The following TENM4 variants were observed in gnomAD, a reference collection of about 807,000 sequenced individuals.
TENM4 encodes teneurin transmembrane protein 4.
A neutral mutation model predicts 243.3 loss-of-function variants in TENM4; 82 were observed. The observed-to-expected ratio is 0.34, with a 90% CI of 0.28 to 0.40. TENM4 has a LOEUF of 0.40. Among genes scored for constraint, TENM4 ranks in the 10% least tolerant of loss-of-function variants. The pLI, the probability that TENM4 is intolerant of heterozygous loss-of-function variation, is 1.00. For missense variants in TENM4, 3,138 were observed against 3,673.3 expected (o/e 0.85, Z 3.77); for synonymous variants, 1,412 against 1,456.3 (o/e 0.97, Z 0.69).
chr11:79,248,881 T>G (rs1855564257), intron 2 of TENM4, among the ~76,000 whole-genome samples: 1 of 152,072 alleles, frequency 6.6e-6, no homozygotes, highest in East Asian at 1.9e-4. Context: ...TGTTACTTCC[T>G]CTGGCCACAT....
At chr11:78,723,064 C>T (rs1291871379) in intron 23 of TENM4, 147 bp from the exon 24 acceptor site, 1 of 1,105,962 alleles carries the variant, frequency 9.0e-7, no homozygotes, top group East Asian at 2.6e-5. Flanking sequence ...TTGCCTCACC[C>T]CCCCAATGGA....
intron 4 of TENM4, among the ~76,000 whole-genome samples, chr11:79,146,695 T>A (rs1862401124): frequency 6.6e-6 from 1 of 152,028 alleles, no homozygotes; most frequent in Non-Finnish European, 1.5e-5. Context: ...CTCTCCCATA[T>A]CCTAAGCACT....
intron 1 of TENM4, among the ~76,000 whole-genome samples, chr11:79,400,395 G>A (rs775414379): frequency 3.3e-5 from 5 of 151,964 alleles, no homozygotes; most frequent in Non-Finnish European, 5.9e-5. Context: ...TACAACTTCA[G>A]GAGTGTCACA....
chr11:79,200,058 T>C (rs971198847), intron 3 of TENM4, among the ~76,000 whole-genome samples: 1 of 152,226 alleles, frequency 6.6e-6, no homozygotes, highest in South Asian at 2.1e-4. Flanking sequence ...GCTCAGGACC[T>C]GCAGCATCTC....
chr11:79,338,886 G>A (rs1442983843), intron 1 of TENM4, among the ~76,000 whole-genome samples: 1 of 152,202 alleles, frequency 6.6e-6, no homozygotes, highest in Non-Finnish European at 1.5e-5. Flanking sequence ...TCTGCTCAGG[G>A]CATCCAAATG....
chr11:79,243,532 C>T (rs547906109), intron 2 of TENM4, among the ~76,000 whole-genome samples: 14 of 152,228 alleles, frequency 9.2e-5, no homozygotes, highest in East Asian at 3.9e-4. Flanking sequence ...GACAACAAAA[C>T]GCTGCAGGGG....
intron 16 of TENM4, among the ~76,000 whole-genome samples, chr11:78,784,450 C>T (rs772747172): frequency 5.9e-5 from 9 of 152,070 alleles, no homozygotes; most frequent in East Asian, 3.9e-4. Flanking sequence ...CAGCTGGCCA[C>T]GGGCAGAGAC....
chr11:78,705,699 A>G (rs959481673), intron 27 of TENM4, among the ~76,000 whole-genome samples: 1 of 152,222 alleles, frequency 6.6e-6, no homozygotes. Flanking sequence ...GGATTGTCAA[A>G]TGAATGAACG....
chr11:78,688,801 A>T (rs1431586379), intron 28 of TENM4, among the ~76,000 whole-genome samples: 1 of 152,078 alleles, frequency 6.6e-6, no homozygotes, highest in African/African-American at 2.4e-5. Flanking sequence ...GCCTCTTGCA[A>T]CCCCTTCCAT....
At chr11:78,714,442 T>A (rs1193779988) in intron 25 of TENM4, among the ~76,000 whole-genome samples, 1 of 152,166 alleles carries the variant, frequency 6.6e-6, no homozygotes, top group Non-Finnish European at 1.5e-5. Context: ...CTCCCTGAAT[T>A]CAACTAACCT....
chr11:78,746,478 G>C (rs933318299), intron 19 of TENM4, among the ~76,000 whole-genome samples: 2 of 152,258 alleles, frequency 1.3e-5, no homozygotes, highest in African/African-American at 4.8e-5. Context: ...TGGGCAGCCT[G>C]GCTGCTCAAT....
At chr11:79,314,138 G>C (rs547133089) in intron 1 of TENM4, among the ~76,000 whole-genome samples, 1 of 152,262 alleles carries the variant, frequency 6.6e-6, no homozygotes, top group South Asian at 2.1e-4. Flanking sequence ...TTCAGAATGT[G>C]TGGCCTTGCA....
At chr11:78,817,460 G>T (rs1857632015) in intron 12 of TENM4, among the ~76,000 whole-genome samples, 1 of 152,118 alleles carries the variant, frequency 6.6e-6, no homozygotes, top group South Asian at 2.1e-4. Context: ...GGGCAAAATG[G>T]TCTGGGTCCC....
chr11:78,812,913 C>G (rs956359657), intron 13 of TENM4, among the ~76,000 whole-genome samples: 1 of 152,166 alleles, frequency 6.6e-6, no homozygotes, highest in African/African-American at 2.4e-5. Context: ...GTGATCTTCT[C>G]TATGAAGGAT....
chr11:78,994,118 C>G (rs552748778), intron 6 of TENM4, among the ~76,000 whole-genome samples: 1 of 152,346 alleles, frequency 6.6e-6, no homozygotes, highest in East Asian at 1.9e-4. Context: ...ATTCCTAAAG[C>G]ATGGCCTTTC....
chr11:79,332,487 TA>T (rs141958844), intron 1 of TENM4, among the ~76,000 whole-genome samples: 6 of 149,864 alleles, frequency 4.0e-5, no homozygotes, highest in South Asian at 2.1e-4. Flanking sequence ...AAATCTCTTT[TA>T]AAAAAAAAAT....
At chr11:79,132,361 A>AAAAAAAAAAG (rs1353670850) in intron 4 of TENM4, among the ~76,000 whole-genome samples, 1 of 149,990 alleles carries the variant, frequency 6.7e-6, no homozygotes, top group Non-Finnish European at 1.5e-5. Context: ...AAAAAAAAAA[A>AAAAAAAAAAG]AGAGAAATGA....
Position 78,750,849 on chromosome 11 carries a change from T to TTGTGTGTGTG in TENM4, c.2756+5946_2756+5955dup, listed in dbSNP as rs72172542. 6.0e-3 allele frequency among the ~76,000 whole-genome samples: 870 copies of TTGTGTGTGTG among 145,760 alleles called. 6 individuals carry two copies. The highest frequency in any genetic ancestry group is 0.021 in the African/African-American group (835 of 39,558). ...CTGGTCAATATTTACCAAATGAGGC[T>TTGTGTGTGTG]TGTGTGTGTGTGTGTGTGTGTGTGT... On this transcript the variant is annotated intron_variant, in intron 19 of 33. Transcript: ENST00000278550.
Position 78,705,382 on chromosome 11 carries a change from G to T in TENM4, c.4209+2979C>A, listed in dbSNP as rs536569002. Among the ~76,000 whole-genome samples, 15 of 152,328 alleles carry T rather than the reference G, an allele frequency of 9.8e-5. No individual in the cohort carries two copies. In the South Asian group the frequency reaches 2.7e-3, roughly 27 times the overall value. The stretch of plus-strand genomic sequence containing the variant: ...GTGCACAGAGGTGCCTGGGAAAGGA[G>T]AAGGGGCATTGCTCTTGGAGTCAGT... On this transcript the variant is annotated intron_variant, in intron 27 of 33. Coordinates refer to ENST00000278550, the MANE Select transcript of TENM4 (RefSeq NM_001098816.3).
Sources: allele counts gnomAD v4.1 joint callset (sites outside exome capture counted in the v4.1 genomes callset), GRCh38; gene constraint gnomAD v4.1.1; transcripts MANE v1.5; gene names NCBI Gene and HGNC (gene_info 2026-07-23, HGNC 2026-07-21).